Variants in SRFBP1 observed in about 807,000 individuals in gnomAD.
SRFBP1 encodes serum response factor binding protein 1, also known as serum response factor-binding protein 1.
SRFBP1 carries 47 observed loss-of-function variants against 45.5 expected under a neutral mutation model. That is an observed-to-expected ratio of 1.03 (90% CI 0.82 to 1.32). SRFBP1 has a LOEUF of 1.32. Among genes scored for constraint, SRFBP1 ranks in the 40% most tolerant of loss-of-function variants. SRFBP1 has a pLI of 0.00. For missense variants in SRFBP1, 621 were observed against 484.6 expected (o/e 1.28, Z -2.64); for synonymous variants, 203 against 166.3 (o/e 1.22, Z -1.70).
intron 4 of SRFBP1, among the ~76,000 whole-genome samples, chr5:122,007,094 C>T (rs1395038645): frequency 6.6e-6 from 1 of 152,054 alleles, no homozygotes; most frequent in Non-Finnish European, 1.5e-5. Context: ...AGATTTTGGG[C>T]AGAGTGTCTG....
At chr5:122,015,544 T>G (rs1753178887) in intron 4 of SRFBP1, among the ~76,000 whole-genome samples, 3 of 152,218 alleles carry the variant, frequency 2.0e-5, no homozygotes, top group African/African-American at 2.4e-5. Flanking sequence ...TCACAACTAC[T>G]TCGCTTTACC....
At chr5:122,008,857 ATAT>A (rs1464455529) in intron 4 of SRFBP1, among the ~76,000 whole-genome samples, 2 of 152,318 alleles carry the variant, frequency 1.3e-5, no homozygotes, top group East Asian at 1.9e-4. Flanking sequence ...CAAAAATAAA[ATAT>A]TATAATAAAA....
rs546177735 is a variant in SRFBP1 at position 122,028,401 on chromosome 5, T to G, written c.*1275T>G. ...CGGGTAGATCGCTAGAGGCAAGGAG[T>G]TCAAAACCAGCCTGGGCAACATGGT... On this transcript the variant is annotated 3_prime_UTR_variant, in exon 8 of 8. Coordinates refer to ENST00000339397, the MANE Select transcript of SRFBP1 (RefSeq NM_152546.3). 5.3e-5 allele frequency: 8 copies of G among 151,524 alleles called. No homozygotes were observed. The highest frequency in any genetic ancestry group is 1.9e-4 in the African/African-American group (8 of 41,282). 9.4% of individuals were successfully genotyped at this position (151,524 alleles called of 1,614,324 possible). A position where few individuals can be genotyped will look rare whatever the true frequency, so the allele number is the denominator to read the frequency against.
chr5:122,025,683 G>T (rs1206578622), intron 7 of SRFBP1, among the ~76,000 whole-genome samples: 2 of 152,154 alleles, frequency 1.3e-5, no homozygotes, highest in African/African-American at 4.8e-5. Context: ...TAGAGCACAT[G>T]TGATTTGTGT....
intron 3 of SRFBP1, among the ~76,000 whole-genome samples, chr5:121,983,547 C>G (rs1196930516): frequency 1.3e-5 from 2 of 151,652 alleles, no homozygotes; most frequent in Non-Finnish European, 3.0e-5. Flanking sequence ...CATTTGACTG[C>G]TTTATCTGGT....
At chr5:122,046,810 G>T (rs771316861) in intron 2 of SRFBP1, among the ~76,000 whole-genome samples, 106 of 152,296 alleles carry the variant, frequency 7.0e-4, no homozygotes, top group Non-Finnish European at 1.3e-3. Context: ...ATGATGAGCA[G>T]TTTTTCATGT....
chr5:122,068,973 A>G (rs1754378866), intron 2 of SRFBP1, among the ~76,000 whole-genome samples: 1 of 152,106 alleles, frequency 6.6e-6, no homozygotes, highest in East Asian at 1.9e-4. Flanking sequence ...CCAACTCCAC[A>G]CAATATGGGC....
In SRFBP1 at chr5:122,020,068, A is replaced by G. The variant is rs878934242; in HGVS notation, c.353-20A>G. Reference sequence around the variant, plus strand: ...ATATGTTTCAGTGCTAAAATGAGTGATGCACTGTTTCTCTTGCAGCTGCTG... The same window carrying G: ...ATATGTTTCAGTGCTAAAATGAGTGGTGCACTGTTTCTCTTGCAGCTGCTG... On this transcript the variant is annotated intron_variant, in intron 5 of 7. Coordinates refer to ENST00000339397, the MANE Select transcript of SRFBP1 (RefSeq NM_152546.3). The G allele has an allele frequency of 4.8e-6, 7 of 1,468,182 alleles. No individual in the cohort carries two copies. The highest frequency in any genetic ancestry group is 6.4e-6 in the Non-Finnish European group (7 of 1,088,762). 90.9% of individuals were successfully genotyped at this position (1,468,182 alleles called of 1,614,324 possible).
intron 4 of SRFBP1, among the ~76,000 whole-genome samples, chr5:121,996,274 G>C (rs1275086975): frequency 9.1e-6 from 1 of 110,274 alleles, no homozygotes; most frequent in Non-Finnish European, 1.8e-5. Flanking sequence ...ATAAAATACT[G>C]GCAAAACGAA....
At chr5:122,071,539 G>A (rs1476375000) in intron 2 of SRFBP1, among the ~76,000 whole-genome samples, 3 of 152,158 alleles carry the variant, frequency 2.0e-5, no homozygotes, top group Non-Finnish European at 4.4e-5. Context: ...TACAGGCTGG[G>A]AGGAGAAAAA....
At chr5:121,963,515 A>G (rs1751994678) in intron 1 of SRFBP1, among the ~76,000 whole-genome samples, 3 of 152,184 alleles carry the variant, frequency 2.0e-5, no homozygotes, top group African/African-American at 4.8e-5. Context: ...ATGAGTCATT[A>G]AAGACTCTTT....
At chr5:121,962,640 C>T (rs1751973648) in intron 1 of SRFBP1, among the ~76,000 whole-genome samples, 1 of 152,148 alleles carries the variant, frequency 6.6e-6, no homozygotes. Context: ...ATTCTTTTTT[C>T]TGCTTTTTCA....
At chr5:122,010,522 A>G (rs546043864) in intron 4 of SRFBP1, among the ~76,000 whole-genome samples, 11 of 152,250 alleles carry the variant, frequency 7.2e-5, no homozygotes, top group South Asian at 6.2e-4. Context: ...CTCACTTTTC[A>G]TGCAGAAAAG....
At position 122,006,995 on chromosome 5, in the gene SRFBP1, T is replaced by C. The variant is rs1015473581; in HGVS notation, c.271-12265T>C. On this transcript the variant is annotated intron_variant, in intron 4 of 7. Transcript: ENST00000339397. ...TCTGTCTCTTGTTGCCTTATGTTGA[T>C]TTTTGCATATTTACAGAAGTAGGGA... 5.9e-5 allele frequency among the ~76,000 whole-genome samples: 9 copies of C among 152,114 alleles called. 1 individual carries two copies. The highest frequency in any genetic ancestry group is 2.2e-4 in the African/African-American group (9 of 41,328).
intron 2 of SRFBP1, among the ~76,000 whole-genome samples, chr5:122,044,360 T>C (rs1753816831): frequency 6.6e-6 from 1 of 152,214 alleles, no homozygotes; most frequent in African/African-American, 2.4e-5. Flanking sequence ...CCTTTGGATA[T>C]ATACCCAATA....
chr5:121,982,427 A>T (rs1291152154), intron 3 of SRFBP1, among the ~76,000 whole-genome samples: 1 of 151,922 alleles, frequency 6.6e-6, no homozygotes, highest in Non-Finnish European at 1.5e-5. Context: ...TGTATAGGTC[A>T]TATTCCTGAA....
chr5:121,997,681 A>C (rs902164493), intron 4 of SRFBP1, among the ~76,000 whole-genome samples: 5 of 151,314 alleles, frequency 3.3e-5, no homozygotes, highest in East Asian at 1.9e-4. Flanking sequence ...TAATTAAACT[A>C]AAGAGCTTCT....
At chr5:122,005,813 T>A (rs564440377) in intron 4 of SRFBP1, among the ~76,000 whole-genome samples, 3 of 152,290 alleles carry the variant, frequency 2.0e-5, no homozygotes, top group Non-Finnish European at 4.4e-5. Context: ...TATACTTTTA[T>A]TCCTCCTCCT....
Position 121,994,016 on chromosome 5 carries a change from G to T in SRFBP1, c.199-583G>T, listed in dbSNP as rs566793589. 7.2e-5 allele frequency among the ~76,000 whole-genome samples: 11 copies of T among 152,036 alleles called. No individual in the cohort carries two copies. The South Asian group carries it at 2.3e-3, about 32-fold the overall frequency. On this transcript the variant is annotated intron_variant, in intron 3 of 7. Coordinates refer to ENST00000339397, the MANE Select transcript of SRFBP1 (RefSeq NM_152546.3). ...GTGATAATTTTTATCAATATTCCAT[G>T]TGTACTTGAGAAGAAGATACAATTG... is the stretch of plus-strand genomic sequence containing the variant.
Sources: gnomAD v4.1 joint callset for allele counts (sites outside exome capture counted in the v4.1 genomes callset) on GRCh38, gnomAD v4.1.1 for gene constraint, MANE v1.5 for transcripts, NCBI Gene and HGNC (gene_info 2026-07-23, HGNC 2026-07-21) for gene names.